RNLS: variants seen among roughly 807,000 people sequenced by gnomAD.
RNLS encodes renalase.
RNLS carries 39 observed loss-of-function variants against 39.8 expected under a neutral mutation model. The ratio of observed to expected loss-of-function variants is 0.98; its 90% CI spans 0.76 to 1.28. RNLS has a LOEUF of 1.28. Among genes scored for constraint, RNLS ranks in the 50% most tolerant of loss-of-function variants. The pLI is 0.00. For missense variants in RNLS, 410 were observed against 413.3 expected (o/e 0.99, Z 0.07); for synonymous variants, 147 against 150.7 (o/e 0.98, Z 0.18).
Position 88,582,280 on chromosome 10 carries a change from G to A in RNLS, c.146C>T (p.Pro49Leu), listed in dbSNP as rs1209643350. 1 of 1,613,782 alleles carries A rather than the reference G, an allele frequency of 6.2e-7. No individual in the cohort carries two copies. Among genetic ancestry groups the A allele is most frequent in the South Asian group, 1.1e-5 (1 of 91,044 alleles). Residue 49 changes from proline to leucine, a missense_variant, in exon 2 of 7, where the codon CCT becomes CTT. Transcript: ENST00000331772. The part of the protein sequence containing the change: ...SGGRMTTACS[P>L]HNPQCTADLG... ...GTCAGCTGTGCACTGAGGATTATGA[G>A]GACTGCAGGCTGTAGTCATTCTTCC...
intron 4 of RNLS, among the ~76,000 whole-genome samples, chr10:88,515,061 AT>A (rs59913852): frequency 6.6e-6 from 1 of 151,558 alleles, no homozygotes; most frequent in African/African-American, 2.4e-5. Flanking sequence ...TAATGGCTAC[AT>A]TTTTTTTCTT....
intron 4 of RNLS, among the ~76,000 whole-genome samples, chr10:88,383,004 C>G (rs1851645683): frequency 1.3e-5 from 2 of 152,064 alleles, no homozygotes; most frequent in Non-Finnish European, 1.5e-5. Flanking sequence ...AAATGTAAGG[C>G]ATCTTAAACC....
chr10:88,267,608 T>C, the RNLS span, among the ~76,000 whole-genome samples: 2 of 152,270 alleles, frequency 1.3e-5, no homozygotes, highest in African/African-American at 4.8e-5. Flanking sequence ...CTACCCCCTG[T>C]CAAGGAGTGG....
At chr10:88,420,252 CT>C (rs924370888) in intron 4 of RNLS, among the ~76,000 whole-genome samples, 5 of 151,932 alleles carry the variant, frequency 3.3e-5, no homozygotes, top group African/African-American at 1.2e-4. Context: ...CTAGATCTTT[CT>C]TTTTGGTCAC....
chr10:88,451,825 C>T (rs747137178), intron 4 of RNLS, among the ~76,000 whole-genome samples: 1 of 152,182 alleles, frequency 6.6e-6, no homozygotes, highest in Admixed American at 6.5e-5. Flanking sequence ...ACACCCACTA[C>T]CTTTATTTTT....
In RNLS at chr10:88,428,201, T is replaced by C. The variant is rs1326244861; in HGVS notation, c.527-65476A>G. 2.0e-5 allele frequency among the ~76,000 whole-genome samples: 3 copies of C among 151,982 alleles called. No homozygotes were observed. The East Asian group carries it at 5.8e-4, about 29-fold the overall frequency. Reference sequence around the variant, plus strand: ...GCTCCATTTCCATTTCTCATGAAGATGTGCAAGTGTAACACTGAATTTATT... The same window carrying C: ...GCTCCATTTCCATTTCTCATGAAGACGTGCAAGTGTAACACTGAATTTATT... On this transcript the variant is annotated intron_variant, in intron 4 of 6. Coordinates refer to ENST00000331772, the MANE Select transcript of RNLS (RefSeq NM_001031709.3).
chr10:88,503,730 T>C (rs1845629280), intron 4 of RNLS, among the ~76,000 whole-genome samples: 1 of 152,216 alleles, frequency 6.6e-6, no homozygotes. Context: ...TATGTTCACA[T>C]CTTTTTGACA....
At chr10:88,542,360 C>A (rs78636790) in intron 4 of RNLS, among the ~76,000 whole-genome samples, 10 of 148,120 alleles carry the variant, frequency 6.8e-5, no homozygotes, top group Non-Finnish European at 1.5e-4. Context: ...CTGTTGTACT[C>A]TCATTAAGTG....
At chr10:88,197,549 T>C in the RNLS span, among the ~76,000 whole-genome samples, 1 of 152,210 alleles carries the variant, frequency 6.6e-6, no homozygotes, top group South Asian at 2.1e-4. Context: ...TAAGAGATAA[T>C]TATTGAGTTC....
intron 6 of RNLS, among the ~76,000 whole-genome samples, chr10:88,289,119 A>G (rs1277637001): frequency 2.0e-5 from 3 of 152,156 alleles, no homozygotes; most frequent in African/African-American, 7.2e-5. Context: ...GTTTCTATAA[A>G]CTTAGGCGAT....
At chr10:88,203,288 A>ACG in the RNLS span, among the ~76,000 whole-genome samples, 535 of 6,374 alleles carry the variant, frequency 0.084, 101 homozygotes, top group Non-Finnish European at 0.12. Flanking sequence ...ATATATATAT[A>ACG]TACGTATGTA....
At chr10:88,295,835 T>A (rs1280933842) in intron 6 of RNLS, among the ~76,000 whole-genome samples, 1 of 152,192 alleles carries the variant, frequency 6.6e-6, no homozygotes, top group African/African-American at 2.4e-5. Context: ...GAGGTCTACA[T>A]TGACTCTATT....
chr10:88,335,167 C>T (rs10887806), intron 5 of RNLS, among the ~76,000 whole-genome samples: 68,658 of 151,550 alleles, frequency 0.45, 16,098 homozygotes, highest in South Asian at 0.6. Flanking sequence ...ATAAAGAATA[C>T]ATTGTATACT....
At chr10:88,178,059 A>C in the RNLS span, among the ~76,000 whole-genome samples, 4 of 152,068 alleles carry the variant, frequency 2.6e-5, no homozygotes, top group African/African-American at 9.7e-5. Context: ...CAGGTTCTGG[A>C]AGGGCACACA....
chr10:88,379,542 T>C (rs879775884), intron 4 of RNLS, among the ~76,000 whole-genome samples: 9 of 152,176 alleles, frequency 5.9e-5, no homozygotes, highest in African/African-American at 1.4e-4. Context: ...TTTCTAGGTA[T>C]TTAATATGCC....
intron 6 of RNLS, among the ~76,000 whole-genome samples, chr10:88,292,777 C>T (rs940001144): frequency 1.3e-5 from 2 of 152,044 alleles, no homozygotes; most frequent in South Asian, 2.1e-4. Flanking sequence ...AGCGTGGTGG[C>T]TCACACCTGT....
chr10:88,218,063 A>T, the RNLS span, among the ~76,000 whole-genome samples: 2 of 152,180 alleles, frequency 1.3e-5, no homozygotes, highest in African/African-American at 4.8e-5. Context: ...AAGGAAAAAA[A>T]AAATAAAAGA....
At chr10:88,271,703 T>G (rs1842653992), downstream of RNLS, among the ~76,000 whole-genome samples, 2 of 152,184 alleles carry the variant, frequency 1.3e-5, no homozygotes, top group African/African-American at 4.8e-5. Flanking sequence ...ACAATTGGTA[T>G]CTTTCATCTT....
intron 4 of RNLS, among the ~76,000 whole-genome samples, chr10:88,372,679 T>C (rs1337487287): frequency 2.0e-5 from 3 of 152,186 alleles, no homozygotes; most frequent in African/African-American, 7.2e-5. Context: ...TCCAGCACTA[T>C]GCTAATCACT....
Sources: gnomAD v4.1 joint callset for allele counts (sites outside exome capture counted in the v4.1 genomes callset) on GRCh38, gnomAD v4.1.1 for gene constraint, MANE v1.5 for transcripts, NCBI Gene and HGNC (gene_info 2026-07-23, HGNC 2026-07-21) for gene names.